The following ABTB2 variants were observed in gnomAD, a reference collection of about 807,000 sequenced individuals.
ABTB2 encodes ankyrin repeat and BTB domain containing 2.
In ABTB2, 56 loss-of-function variants were observed where a neutral mutation model predicts 104.1. The ratio of observed to expected loss-of-function variants is 0.54; its 90% CI spans 0.43 to 0.67. The LOEUF is 0.67. Among genes scored for constraint, ABTB2 ranks in the 30% least tolerant of loss-of-function variants. ABTB2 has a pLI of 0.00. For missense variants in ABTB2, 1,279 were observed against 1,407.7 expected, an observed-to-expected ratio of 0.91 and a Z score of 1.46; for synonymous variants, 606 against 608.2, an observed-to-expected ratio of 1.00 and a Z score of 0.05.
intron 1 of ABTB2, among the ~76,000 whole-genome samples, chr11:34,307,580 C>A (rs1296344863): frequency 6.6e-6 from 1 of 152,186 alleles, no homozygotes; most frequent in Non-Finnish European, 1.5e-5. Context: ...GAGGGCACTA[C>A]AAATTCTTTC....
At chr11:34,172,445 GA>G (rs1852894982) in intron 4 of ABTB2, among the ~76,000 whole-genome samples, 1 of 100,452 alleles carries the variant, frequency 1.0e-5, no homozygotes, top group Non-Finnish European at 2.1e-5. Context: ...TATATAGATA[GA>G]TAGATAGATA....
intron 3 of ABTB2, among the ~76,000 whole-genome samples, chr11:34,173,744 G>C (rs1470168374): frequency 1.3e-5 from 2 of 152,144 alleles, no homozygotes; most frequent in Non-Finnish European, 2.9e-5. Context: ...CTTCTATGCA[G>C]AGGGGAGAGG....
intron 1 of ABTB2, among the ~76,000 whole-genome samples, chr11:34,276,131 G>A (rs180952877): frequency 1.2e-4 from 18 of 152,044 alleles, no homozygotes; most frequent in Non-Finnish European, 2.2e-4. Flanking sequence ...TCTTAGGGGG[G>A]ACTTCTAATG....
chr11:34,310,773 G>A (rs11824839), intron 1 of ABTB2, among the ~76,000 whole-genome samples: 17,322 of 152,100 alleles, frequency 0.11, 1,320 homozygotes, highest in African/African-American at 0.21. Flanking sequence ...CTGCATGGAG[G>A]TTATGCTCTT....
intron 1 of ABTB2, among the ~76,000 whole-genome samples, chr11:34,354,375 A>C (rs1332566145): frequency 1.3e-5 from 2 of 151,892 alleles, no homozygotes; most frequent in African/African-American, 4.8e-5. Context: ...TGTAATCCCA[A>C]CATTTTGAGA....
chr11:34,183,438 C>T (rs1181743760), intron 3 of ABTB2, among the ~76,000 whole-genome samples: 1 of 152,222 alleles, frequency 6.6e-6, no homozygotes, highest in African/African-American at 2.4e-5. Context: ...CTACCGCCAG[C>T]ACTGGGACTA....
At chr11:34,199,262 G>T (rs891614351) in intron 2 of ABTB2, among the ~76,000 whole-genome samples, 39 of 152,218 alleles carry the variant, frequency 2.6e-4, no homozygotes, top group African/African-American at 8.7e-4. Context: ...CCTGGAGTTT[G>T]AGATCCCCAC....
chr11:34,165,561 T>C (rs1222687637), intron 7 of ABTB2, among the ~76,000 whole-genome samples: 1 of 152,236 alleles, frequency 6.6e-6, no homozygotes, highest in African/African-American at 2.4e-5. Flanking sequence ...AACTCCATTA[T>C]TGTGGTCCAA....
intron 14 of ABTB2, among the ~76,000 whole-genome samples, chr11:34,156,501 C>T (rs1590200450): frequency 6.6e-6 from 1 of 152,044 alleles, no homozygotes; most frequent in East Asian, 1.9e-4. Flanking sequence ...GGTTGGGGCC[C>T]TCTGGGCTAT....
chr11:34,314,137 A>G (rs1243845368), intron 1 of ABTB2, among the ~76,000 whole-genome samples: 1 of 152,206 alleles, frequency 6.6e-6, no homozygotes, highest in African/African-American at 2.4e-5. Context: ...AGATACTCCC[A>G]TGCAGGTGGC....
At chr11:34,345,804 G>A (rs1200453127) in intron 1 of ABTB2, among the ~76,000 whole-genome samples, 2 of 152,134 alleles carry the variant, frequency 1.3e-5, no homozygotes, top group Non-Finnish European at 2.9e-5. Context: ...TTAATTACCC[G>A]GCTGCTGAGA....
chr11:34,330,433 A>C (rs902812969), intron 1 of ABTB2, among the ~76,000 whole-genome samples: 34 of 152,202 alleles, frequency 2.2e-4, no homozygotes, highest in African/African-American at 8.2e-4. Flanking sequence ...AAAGTTTATA[A>C]AGTGTTTAGT....
At position 34,171,061 on chromosome 11, in the gene ABTB2, A is replaced by T; in HGVS notation, c.1408T>A (p.Cys470Ser). The T allele has an allele frequency of 1.2e-6, 2 of 1,614,154 alleles. No individual in the cohort carries two copies. The highest frequency in any genetic ancestry group is 1.7e-6 in the Non-Finnish European group (2 of 1,179,996). Residue 470 changes from cysteine (C) to serine (S), a missense_variant, in exon 5 of 17, where the codon TGT becomes AGT. Coordinates refer to ENST00000435224, the MANE Select transcript of ABTB2 (RefSeq NM_145804.3). The part of the protein sequence containing the change: ...CEPRQLKPEH[C>S]FSSFRRLDAR... ...TCCAGCCTCCGGAAGGAACTGAAAC[A>T]GTGTTCGGGTCTGCCCAGAAGAGAC...
At chr11:34,203,448 G>A (rs1194823423) in intron 2 of ABTB2, among the ~76,000 whole-genome samples, 1 of 152,164 alleles carries the variant, frequency 6.6e-6, no homozygotes, top group African/African-American at 2.4e-5. Context: ...ATGACTGTGC[G>A]AGGGCCCAAG....
intron 1 of ABTB2, among the ~76,000 whole-genome samples, chr11:34,246,811 G>C (rs1853989091): frequency 6.7e-6 from 1 of 149,302 alleles, no homozygotes; most frequent in African/African-American, 2.5e-5. Context: ...ATCACTTTTT[G>C]CCAGAAGTTC....
At chr11:34,308,831 A>T (rs774827370) in intron 1 of ABTB2, among the ~76,000 whole-genome samples, 7 of 137,330 alleles carry the variant, frequency 5.1e-5, no homozygotes, top group Non-Finnish European at 1.1e-4. Flanking sequence ...AGATCATGCC[A>T]TTGCACTCCA....
intron 4 of ABTB2, among the ~76,000 whole-genome samples, chr11:34,172,437 TATAGATAGATAG>T (rs67334558): frequency 9.1e-4 from 84 of 92,504 alleles, no homozygotes; most frequent in African/African-American, 3.8e-3. Context: ...TGTGTGTGTA[TATAGATAGATAG>T]ATAGATAGAT....
intron 3 of ABTB2, among the ~76,000 whole-genome samples, chr11:34,193,970 T>C (rs1853215683): frequency 6.6e-6 from 1 of 152,152 alleles, no homozygotes; most frequent in Admixed American, 6.5e-5. Flanking sequence ...TACGGAAAGA[T>C]GTGAAGTCCC....
intron 1 of ABTB2, among the ~76,000 whole-genome samples, chr11:34,242,305 G>C (rs1565149629): frequency 6.6e-6 from 1 of 152,212 alleles, no homozygotes; most frequent in Non-Finnish European, 1.5e-5. Flanking sequence ...GTGGGAGCAA[G>C]GGGCCAGGAG....
Sources: allele counts gnomAD v4.1 joint callset (sites outside exome capture counted in the v4.1 genomes callset), GRCh38; gene constraint gnomAD v4.1.1; transcripts MANE v1.5; gene names NCBI Gene and HGNC (gene_info 2026-07-23, HGNC 2026-07-21).